Variants in CFAP36 observed in about 807,000 individuals in gnomAD.
CFAP36 encodes cilia and flagella associated protein 36.
In CFAP36, 37 loss-of-function variants were observed where a neutral mutation model predicts 50.5. That is an observed-to-expected ratio of 0.73 (90% CI 0.56 to 0.96). The LOEUF is 0.96. Among genes scored for constraint, CFAP36 ranks in the 50% least tolerant of loss-of-function variants. CFAP36 has a pLI of 0.00. For synonymous variants in CFAP36, 138 were observed against 128.2 expected, an observed-to-expected ratio of 1.08 and a Z score of -0.52; for missense variants, 407 against 396.2, an observed-to-expected ratio of 1.03 and a Z score of -0.23.
intron 1 of CFAP36, among the ~76,000 whole-genome samples, chr2:55,520,883 A>G (rs552417656): frequency 2.0e-5 from 3 of 152,336 alleles, no homozygotes; most frequent in African/African-American, 7.2e-5. Context: ...TGTATCCAAG[A>G]TGAGTTAGCC....
chr2:55,523,247 C>T (rs1349660491), intron 2 of CFAP36, among the ~76,000 whole-genome samples: 1 of 59,640 alleles, frequency 1.7e-5, no homozygotes, highest in African/African-American at 4.0e-5. Context: ...GCCATCTCTA[C>T]CAAAAAAAAA....
At chr2:55,541,293 C>A (rs985753393) in intron 7 of CFAP36, among the ~76,000 whole-genome samples, 5 of 152,218 alleles carry the variant, frequency 3.3e-5, no homozygotes, top group Non-Finnish European at 5.9e-5. Context: ...CATTGCACTC[C>A]AGCCTGGGCA....
At chr2:55,538,942 C>T in intron 7 of CFAP36, 1 of 1,418,438 alleles carries the variant, frequency 7.1e-7, no homozygotes, top group South Asian at 1.6e-5. Context: ...AGTTGGAGAA[C>T]ACCTTTCTTT....
intron 4 of CFAP36, among the ~76,000 whole-genome samples, chr2:55,531,582 C>G (rs1684351336): frequency 6.6e-6 from 1 of 152,184 alleles, no homozygotes; most frequent in South Asian, 2.1e-4. Flanking sequence ...TTATACTCTG[C>G]CATTCTCAGA....
chr2:55,539,455 A>C (rs1384135410), intron 7 of CFAP36: 1 of 152,078 alleles, frequency 6.6e-6, no homozygotes, highest in African/African-American at 2.4e-5. Flanking sequence ...TTTGTAGCTC[A>C]TTTCTTTTTA....
chr2:55,520,144 A>C (rs74509534), intron 1 of CFAP36, among the ~76,000 whole-genome samples: 93 of 152,290 alleles, frequency 6.1e-4, no homozygotes, highest in African/African-American at 1.8e-3. Flanking sequence ...CGCAGACCTG[A>C]AAACGGGGAC....
intron 5 of CFAP36, among the ~76,000 whole-genome samples, chr2:55,534,509 A>G (rs1465494455): frequency 1.3e-5 from 2 of 152,168 alleles, no homozygotes; most frequent in East Asian, 3.8e-4. Context: ...GAGTGTGCAG[A>G]CCACTAATGG....
At chr2:55,535,414 T>G (rs1304188801) in intron 5 of CFAP36, among the ~76,000 whole-genome samples, 1 of 152,196 alleles carries the variant, frequency 6.6e-6, no homozygotes, top group Non-Finnish European at 1.5e-5. Context: ...GATTTGCCAT[T>G]CAAATTTGGG....
intron 3 of CFAP36, among the ~76,000 whole-genome samples, chr2:55,525,791 C>T (rs551425740): frequency 9.9e-5 from 15 of 152,110 alleles, no homozygotes; most frequent in Non-Finnish European, 2.2e-4. Context: ...CCACCATGCC[C>T]GGCTAAGTTT....
At chr2:55,537,029 C>T (rs1239542674) in intron 6 of CFAP36, among the ~76,000 whole-genome samples, 1 of 152,182 alleles carries the variant, frequency 6.6e-6, no homozygotes, top group East Asian at 1.9e-4. Flanking sequence ...AGACATGAGC[C>T]ACTGTGCCCG....
chr2:55,530,630 A>C (rs911408311), intron 4 of CFAP36, among the ~76,000 whole-genome samples: 1 of 152,204 alleles, frequency 6.6e-6, no homozygotes, highest in African/African-American at 2.4e-5. Context: ...CCTGAACTAC[A>C]TTTAACATCC....
chr2:55,537,580 C>T lies in CFAP36; in HGVS notation c.635C>T (p.Pro212Leu), dbSNP rs773293508. Residue 212 changes from proline to leucine, a missense_variant, in exon 7 of 10, where the codon CCC (proline) becomes CTC (leucine). By Grantham distance (98) the Pro-to-Leu change is moderately conservative (BLOSUM62 -3). Coordinates refer to ENST00000349456, the MANE Select transcript of CFAP36 (RefSeq NM_080667.7). ...GATGGTGAACATTTTGCACACCCAC[C>T]CTCAGGTAAGGTTGAGGTGTACTGA... ...QGDGEHFAHPPSEVKMHFANQ... is the reference protein window; with the variant it reads ...QGDGEHFAHPLSEVKMHFANQ... The T allele has an allele frequency of 1.2e-6, 2 of 1,606,822 alleles. No homozygotes were observed. Among genetic ancestry groups the T allele is most frequent in the Non-Finnish European group, 1.7e-6 (2 of 1,175,202 alleles).
intron 2 of CFAP36, 68 bp from the exon 3 acceptor site, chr2:55,523,653 A>C: frequency 1.0e-6 from 1 of 979,566 alleles, no homozygotes; most frequent in Non-Finnish European, 1.5e-6. Context: ...TAAACTAAAT[A>C]CTTAATATGC....
chr2:55,535,655 T>C (rs1192582207), intron 5 of CFAP36, 57 bp from the exon 6 acceptor site: 3 of 1,307,160 alleles, frequency 2.3e-6, no homozygotes, highest in Non-Finnish European at 3.1e-6. Flanking sequence ...AGTTGAATAT[T>C]TGTTCTTTGA....
Position 55,545,001 on chromosome 2 carries a change from A to G in CFAP36, c.1022A>G (p.Asn341Ser), listed in dbSNP as rs1339675334. ...LAEKLKEEVI[N>S]K ...GAGAAACTCAAAGAAGAAGTTATTAATAAGTAATAATTAAGAACAATTTAA... is the reference window on the plus strand; with the variant it reads ...GAGAAACTCAAAGAAGAAGTTATTAGTAAGTAATAATTAAGAACAATTTAA... Residue 341 changes from asparagine (N) to serine (S), a missense_variant, in exon 10 of 10, where the codon AAT becomes AGT. Transcript: ENST00000349456. 2.6e-6 allele frequency: 4 copies of G among 1,538,242 alleles called. No homozygotes were observed. The Admixed American group carries it at 5.4e-5, about 21-fold the overall frequency.
intron 7 of CFAP36, among the ~76,000 whole-genome samples, chr2:55,543,529 G>C (rs757913724): frequency 1.3e-5 from 2 of 152,140 alleles, no homozygotes; most frequent in African/African-American, 4.8e-5. Context: ...TGAAAGTATA[G>C]GGTGACTTTT....
At chr2:55,543,640 A>C (rs1332773172) in intron 7 of CFAP36, among the ~76,000 whole-genome samples, 1 of 152,140 alleles carries the variant, frequency 6.6e-6, no homozygotes, top group African/African-American at 2.4e-5. Flanking sequence ...GTGTAGTTCT[A>C]ATCTTTAGAC....
At chr2:55,533,624 G>A (rs1482566262) in intron 4 of CFAP36, among the ~76,000 whole-genome samples, 1 of 151,432 alleles carries the variant, frequency 6.6e-6, no homozygotes, top group Non-Finnish European at 1.5e-5. Context: ...GAAGCTGGGA[G>A]GCAGAGGTTG....
chr2:55,535,766 G>A lies in CFAP36; in HGVS notation c.537+3G>A. 1 of 1,554,668 alleles carries A rather than the reference G, an allele frequency of 6.4e-7. No individual in the cohort carries two copies. Among genetic ancestry groups the A allele is most frequent in the Admixed American group, 2.2e-5 (1 of 44,654 alleles). On this transcript the variant is annotated splice_donor_region_variant and intron_variant, in intron 6 of 9. Coordinates refer to ENST00000349456, the MANE Select transcript of CFAP36 (RefSeq NM_080667.7). Reference sequence around the variant, plus strand: ...AAGAAAGGAAGAGGAAAAAACAGGTGCCTACAGAACATATAACAGAAGTAT... The same window carrying A: ...AAGAAAGGAAGAGGAAAAAACAGGTACCTACAGAACATATAACAGAAGTAT...
Sources: gnomAD v4.1 joint callset for allele counts (sites outside exome capture counted in the v4.1 genomes callset) on GRCh38, gnomAD v4.1.1 for gene constraint, MANE v1.5 for transcripts, NCBI Gene and HGNC (gene_info 2026-07-23, HGNC 2026-07-21) for gene names.